RSL1D1: variants seen among roughly 807,000 people sequenced by gnomAD.
The protein encoded by RSL1D1 is ribosomal L1 domain-containing protein 1.
In RSL1D1, 34 loss-of-function variants were observed where a neutral mutation model predicts 44.6. The observed-to-expected ratio is 0.76, with a 90% confidence interval of 0.58 to 1.02. The LOEUF (loss-of-function observed/expected upper bound fraction) is 1.02. RSL1D1 is among the 50% of genes least tolerant of loss of function. RSL1D1 has a pLI of 0.00. For synonymous variants in RSL1D1, 271 were observed against 207.4 expected, an observed-to-expected ratio of 1.31 and a Z score of -2.63; for missense variants, 767 against 568.1, an observed-to-expected ratio of 1.35 and a Z score of -3.56.
At chr16:11,841,416 A>C in intron 7 of RSL1D1, 1 of 286,808 alleles carries the variant, frequency 3.5e-6, no homozygotes, top group African/African-American at 2.2e-5. Flanking sequence ...TCTCTAAAAA[A>C]ACCCAGCAAG....
At chr16:11,839,381 C>CAAAAA (rs35893843) in intron 8 of RSL1D1, among the ~76,000 whole-genome samples, 2 of 116,616 alleles carry the variant, frequency 1.7e-5, no homozygotes, top group African/African-American at 3.1e-5. Context: ...AAAAGCAAAG[C>CAAAAA]AAAAAAAAAA....
Position 11,851,462 on chromosome 16 carries a change from G to C in RSL1D1, c.51C>G (p.Thr17=), listed in dbSNP as rs768471148. 7 of 1,614,126 alleles carry C rather than the reference G, an allele frequency of 4.3e-6. No homozygotes were observed. Among genetic ancestry groups the C allele is most frequent in the South Asian group, 1.1e-5 (1 of 91,084 alleles). Residue 17 remains threonine (T), a synonymous_variant, in exon 1 of 9, where the codon ACC becomes ACG. Transcript: ENST00000571133. ...TCGGGGCCGCTGGAGTCGAGGTGGA[G>C]GTTCCAGTAGCGGCTGCAGAAGACA... The part of the protein sequence containing the change: ...ASLSSAAATG[T]STSTPAAPTA...
intron 2 of RSL1D1, among the ~76,000 whole-genome samples, chr16:11,848,109 C>G (rs1419785372): frequency 6.6e-6 from 1 of 151,962 alleles, no homozygotes; most frequent in Non-Finnish European, 1.5e-5. Flanking sequence ...AAAAATTAGC[C>G]AGGCACGGTG....
In RSL1D1 at chr16:11,839,705, T is replaced by C. The variant is rs766769283; in HGVS notation, c.1136A>G (p.Glu379Gly). ...VPIGKKTPAN[E>G]KVEIQKHATG... ...ATATTAAAACAATACCTCTACTTTT[T>C]CATTAGCTGGAGTCTTCTTTCCTAT... Residue 379 changes from glutamate to glycine, a missense_variant, in exon 8 of 9, where the codon GAA becomes GGA. Transcript: ENST00000571133. 1.9e-6 allele frequency: 3 copies of C among 1,613,728 alleles called. No homozygotes were observed. Among genetic ancestry groups the C allele is most frequent in the Non-Finnish European group, 2.5e-6 (3 of 1,179,916 alleles).
rs896440230 is a variant in RSL1D1, at chr16:11,851,541, G to A, written c.-29C>T. ...GTTTCCACCTCGTGAAGAGGCGCGT[G>A]TGCAACCCCACTGCTGGCTTCTGGT... On this transcript the variant is annotated 5_prime_UTR_variant, in exon 1 of 9. Transcript: ENST00000571133. The A allele has an allele frequency of 2.5e-6, 4 of 1,604,522 alleles. No homozygotes were observed. Among genetic ancestry groups the A allele is most frequent in the South Asian group, 2.2e-5 (2 of 90,620 alleles).
intron 5 of RSL1D1, among the ~76,000 whole-genome samples, chr16:11,845,654 G>C (rs1383145136): frequency 3.9e-5 from 6 of 151,952 alleles, no homozygotes; most frequent in Admixed American, 3.3e-4. Context: ...GTATGAGACA[G>C]CACAGATGCA....
chr16:11,840,733 T>A (rs1183915712), intron 7 of RSL1D1, among the ~76,000 whole-genome samples: 1 of 152,080 alleles, frequency 6.6e-6, no homozygotes, highest in Admixed American at 6.6e-5. Flanking sequence ...GCTCAGGAGG[T>A]ATCTGTGAGC....
Position 11,837,908 on chromosome 16 carries a change from G to A in RSL1D1, c.1352C>T (p.Ala451Val), listed in dbSNP as rs772410136. ...EKSPSLGKKD[A>V]RQTPKKPEAK... ...CTCTGGCTTTTTTGGAGTCTGTCTC[G>A]CATCTTTTTTCCCCAGCGAAGGACT... Residue 451 changes from alanine to valine, a missense_variant, in exon 9 of 9, where the codon GCG (alanine) becomes GTG (valine). Transcript: ENST00000571133. 9.9e-6 allele frequency: 16 copies of A among 1,613,814 alleles called. No individual in the cohort carries two copies. The highest frequency in any genetic ancestry group is 6.7e-5 in the African/African-American group (5 of 74,824).
rs756898638 is a variant in RSL1D1, at chr16:11,841,696, T to G, written c.854A>C (p.Lys285Thr). Residue 285 changes from lysine (K) to threonine (T), a missense_variant and splice_region_variant, in exon 7 of 9, where the codon AAA becomes ACA. Coordinates refer to ENST00000571133, the MANE Select transcript of RSL1D1 (RefSeq NM_015659.3). ...GTAAGTATTTAAAATTCTACTAACT[T>G]TTTTCTTCTTATTAAGCAAAGATCT... is the stretch of plus-strand genomic sequence containing the variant. Reference protein sequence around the residue: ...TKRSLLNKKKKEARRKRRERN... With the variant: ...TKRSLLNKKKTEARRKRRERN... 1 of 1,610,424 alleles carries G rather than the reference T, an allele frequency of 6.2e-7. No individual in the cohort carries two copies. The highest frequency in any genetic ancestry group is 1.3e-5 in the African/African-American group (1 of 74,630).
intron 1 of RSL1D1, chr16:11,851,131 T>A: frequency 2.0e-6 from 1 of 506,668 alleles, no homozygotes; most frequent in South Asian, 2.0e-5. Flanking sequence ...GGTCAAGCGC[T>A]AATGATAGGG....
At chr16:11,848,989 G>A (rs2053817625) in intron 2 of RSL1D1, among the ~76,000 whole-genome samples, 2 of 151,946 alleles carry the variant, frequency 1.3e-5, no homozygotes, top group South Asian at 4.1e-4. Context: ...TGTTGGGTCA[G>A]GATGATCTCA....
Position 11,837,008 on chromosome 16 carries a change from CTG to C in RSL1D1, c.*777_*778del, listed in dbSNP as rs2141249423. ...GTTTTTTCTGAGACAGAATCTCACA[CTG>C]TCACCCAGGCTACAGCACAGTGGGG... On this transcript the variant is annotated 3_prime_UTR_variant, in exon 9 of 9. Coordinates refer to ENST00000571133, the MANE Select transcript of RSL1D1 (RefSeq NM_015659.3). 1 of 152,350 alleles carries C rather than the reference CTG, an allele frequency of 6.6e-6. No individual in the cohort carries two copies. The highest frequency in any genetic ancestry group is 2.4e-5 in the African/African-American group (1 of 41,574). The allele number at this position is 152,350 out of a possible 1,614,324, so 9.4% of individuals were successfully genotyped here.
chr16:11,848,800 C>CTT (rs35932064), intron 2 of RSL1D1, among the ~76,000 whole-genome samples: 290 of 143,004 alleles, frequency 2.0e-3, no homozygotes, highest in Middle Eastern at 0.011. Context: ...GCCAACATAA[C>CTT]TTTTTTTTTT....
Position 11,846,519 on chromosome 16 carries a change from G to A in RSL1D1, c.617C>T (p.Ser206Phe), listed in dbSNP as rs1475884724. 1 of 1,579,910 alleles carries A rather than the reference G, an allele frequency of 6.3e-7. No individual in the cohort carries two copies. Among genetic ancestry groups the A allele is most frequent in the Admixed American group, 1.9e-5 (1 of 51,390 alleles). ...DCIGGTVLNI[S>F]KSGSCSAIRI... ...TACCTACCTGCAAGAACCACTTTTA[G>A]AAATGTTTAAGACTGTTCCACCTAT... is the stretch of plus-strand genomic sequence containing the variant. Residue 206 changes from serine (S) to phenylalanine (F), a missense_variant, in exon 5 of 9, where the codon TCT (serine) becomes TTT (phenylalanine). Transcript: ENST00000571133.
intron 3 of RSL1D1, among the ~76,000 whole-genome samples, 199 bp from the exon 4 acceptor site, chr16:11,847,042 C>A (rs1458201114): frequency 6.6e-6 from 1 of 152,062 alleles, no homozygotes; most frequent in Non-Finnish European, 1.5e-5. Flanking sequence ...GAAAAGACCC[C>A]AGCTAAAGCA....
Position 11,834,984 on chromosome 16 carries a change from C to T in RSL1D1, c.*2803G>A, listed in dbSNP as rs2053706470. On this transcript the variant is annotated 3_prime_UTR_variant, in exon 9 of 9. Coordinates refer to ENST00000571133, the MANE Select transcript of RSL1D1 (RefSeq NM_015659.3). ...AAACTGGCCAGCTGTGATGGCATGC[C>T]CCTGTAGTCTGAGCTACTTGGGAGG... 1.3e-5 allele frequency: 2 copies of T among 152,104 alleles called. No individual in the cohort carries two copies. The highest frequency in any genetic ancestry group is 4.2e-4 in the South Asian group (2 of 4,806). 9.4% of individuals were successfully genotyped at this position (152,104 alleles called of 1,614,324 possible).
intron 5 of RSL1D1, among the ~76,000 whole-genome samples, chr16:11,843,553 C>G (rs1301980665): frequency 6.6e-6 from 1 of 151,958 alleles, no homozygotes; most frequent in African/African-American, 2.4e-5. Context: ...TACTGCTCTA[C>G]CCAGCCGCCA....
Position 11,836,542 on chromosome 16 carries a change from C to A in RSL1D1, c.*1245G>T, listed in dbSNP as rs1402243893. 2.6e-5 allele frequency: 4 copies of A among 152,192 alleles called. No individual in the cohort carries two copies. Among genetic ancestry groups the A allele is most frequent in the Non-Finnish European group, 4.4e-5 (3 of 68,046 alleles). The allele number at this position is 152,192 out of a possible 1,614,324, so 9.4% of individuals were successfully genotyped here. ...TGACAATTGTGGAAACGTTAGCAAT[C>A]TACTCTTCCAAGATTCCTTGGAGTT... On this transcript the variant is annotated 3_prime_UTR_variant, in exon 9 of 9. Transcript: ENST00000571133.
chr16:11,851,134 T>G (rs554233940), intron 1 of RSL1D1: 2 of 511,358 alleles, frequency 3.9e-6, no homozygotes, highest in African/African-American at 3.9e-5. Context: ...CAAGCGCTAA[T>G]GATAGGGAAG....
Sources: allele counts gnomAD v4.1 joint callset (sites outside exome capture counted in the v4.1 genomes callset), GRCh38; gene constraint gnomAD v4.1.1; transcripts MANE v1.5; gene names NCBI Gene and HGNC (gene_info 2026-07-23, HGNC 2026-07-21).